RAB10: variants seen among roughly 807,000 people sequenced by gnomAD.
RAB10 encodes the protein RAB10, member RAS oncogene family.
RAB10 carries 5 observed loss-of-function variants against 25.7 expected under a neutral mutation model. The observed-to-expected ratio is 0.19, with a 90% CI of 0.10 to 0.41. The LOEUF is 0.41. Among genes scored for constraint, RAB10 ranks in the 10% least tolerant of loss-of-function variants. The probability of loss-of-function intolerance (pLI) is 1.00; values close to 1 mark genes in which losing one functional copy is unlikely to be tolerated. For synonymous variants in RAB10, 89 were observed against 86.4 expected, an observed-to-expected ratio of 1.03 and a Z score of -0.16; for missense variants, 103 against 245.8, an observed-to-expected ratio of 0.42 and a Z score of 3.89.
chr2:26,060,918 G>A (rs940960103), intron 1 of RAB10, among the ~76,000 whole-genome samples: 14 of 151,846 alleles, frequency 9.2e-5, no homozygotes, highest in African/African-American at 3.4e-4. Context: ...AAAAAACTTT[G>A]TTGAAAAATA....
chr2:26,051,851 T>C lies in RAB10; in HGVS notation c.127+17116T>C, dbSNP rs370392057. On this transcript the variant is annotated intron_variant, in intron 1 of 5. Transcript: ENST00000264710. ...GGCAGGCGGATCAGGAGGTCAGGAGTTCCAAGACCAGCCTGACCAACATGG... is the reference window on the plus strand; with the variant it reads ...GGCAGGCGGATCAGGAGGTCAGGAGCTCCAAGACCAGCCTGACCAACATGG... Among the ~76,000 whole-genome samples, 11 of 145,440 alleles carry C rather than the reference T, an allele frequency of 7.6e-5. No homozygotes were observed. In the East Asian group the frequency reaches 1.9e-3, roughly 25 times the overall value.
intron 5 of RAB10, among the ~76,000 whole-genome samples, chr2:26,133,758 C>T (rs1194073505): frequency 2.6e-5 from 4 of 152,018 alleles, no homozygotes; most frequent in Non-Finnish European, 2.9e-5. Flanking sequence ...ACTGCAACCT[C>T]TGCCTCCCGA....
chr2:26,128,313 C>CTCACGG (rs1020597727), intron 5 of RAB10, among the ~76,000 whole-genome samples: 3 of 152,204 alleles, frequency 2.0e-5, no homozygotes, highest in African/African-American at 7.2e-5. Flanking sequence ...GGTAATAATG[C>CTCACGG]TCACTCACTT....
intron 1 of RAB10, among the ~76,000 whole-genome samples, chr2:26,051,914 G>GA (rs1666143691): frequency 6.6e-6 from 1 of 151,350 alleles, no homozygotes; most frequent in African/African-American, 2.4e-5. Context: ...AAAATTAGCT[G>GA]GGCATGGTGG....
At chr2:26,051,754 CA>C (rs952237769) in intron 1 of RAB10, among the ~76,000 whole-genome samples, 101 of 113,372 alleles carry the variant, frequency 8.9e-4, no homozygotes, top group Middle Eastern at 0.014. Flanking sequence ...ACTCCGTCTC[CA>C]AAAAAAAAAA....
At chr2:26,130,112 T>G (rs913898599) in intron 5 of RAB10, among the ~76,000 whole-genome samples, 1 of 152,342 alleles carries the variant, frequency 6.6e-6, no homozygotes, top group African/African-American at 2.4e-5. Context: ...CAGTTTAGTT[T>G]TGAAATTTCA....
chr2:26,097,164 T>G (rs1667239012), intron 1 of RAB10, among the ~76,000 whole-genome samples: 1 of 152,130 alleles, frequency 6.6e-6, no homozygotes, highest in South Asian at 2.1e-4. Flanking sequence ...TACAGTGAGC[T>G]GAGATCATGC....
At chr2:26,035,386 C>A (rs1207499569) in intron 1 of RAB10, among the ~76,000 whole-genome samples, 1 of 152,128 alleles carries the variant, frequency 6.6e-6, no homozygotes, top group South Asian at 2.1e-4. Flanking sequence ...TCAAACCCAA[C>A]GGAGTGAAGT....
chr2:26,078,624 C>T (rs1236145554), intron 1 of RAB10, among the ~76,000 whole-genome samples: 3 of 151,816 alleles, frequency 2.0e-5, no homozygotes, highest in East Asian at 1.9e-4. Flanking sequence ...GGAGGGGTTG[C>T]GGAAAAAGTA....
At chr2:26,110,050 A>T in intron 3 of RAB10, 144 bp downstream of exon 3, 1 of 1,035,104 alleles carries the variant, frequency 9.7e-7, no homozygotes, top group Non-Finnish European at 1.3e-6. Context: ...CTAAAAGTTA[A>T]TGTTGGCCGG....
chr2:26,065,570 A>G lies in RAB10; in HGVS notation c.127+30835A>G, dbSNP rs1230610573. Among the ~76,000 whole-genome samples, 4 of 152,340 alleles carry G rather than the reference A, an allele frequency of 2.6e-5. No homozygotes were observed. In the East Asian group the frequency reaches 7.7e-4, roughly 29 times the overall value. Reference sequence around the variant, plus strand: ...TTTCCAACTGATTAGAAAATATTTAATGATTTTAAAAAACATTCAACCAAA... The same window carrying G: ...TTTCCAACTGATTAGAAAATATTTAGTGATTTTAAAAAACATTCAACCAAA... On this transcript the variant is annotated intron_variant, in intron 1 of 5. Coordinates refer to ENST00000264710, the MANE Select transcript of RAB10 (RefSeq NM_016131.5).
intron 2 of RAB10, among the ~76,000 whole-genome samples, chr2:26,102,628 C>T (rs966804013): frequency 2.2e-4 from 33 of 152,036 alleles, no homozygotes; most frequent in Admixed American, 1.2e-3. Context: ...TTAGTAGAGA[C>T]GGGGTTTCAC....
At chr2:26,103,071 TGA>T (rs1667378237) in intron 2 of RAB10, among the ~76,000 whole-genome samples, 1 of 152,200 alleles carries the variant, frequency 6.6e-6, no homozygotes, top group Non-Finnish European at 1.5e-5. Context: ...TGTTTATAAG[TGA>T]AAACAACAAC....
rs72487302 is a variant in RAB10, at chr2:26,054,038, C to CT, written c.127+19319dup. The stretch of plus-strand genomic sequence containing the variant: ...CTTTTTTTTTTTTTTCCCTTCTGTT[C>CT]TTTTTTTTTTTTTTTTCCTGTTTTT... On this transcript the variant is annotated intron_variant, in intron 1 of 5. Transcript: ENST00000264710. Among the ~76,000 whole-genome samples, 467 of 87,498 alleles carry CT rather than the reference C, an allele frequency of 5.3e-3. 4 individuals are homozygous for CT. The highest frequency in any genetic ancestry group is 0.013 in the African/African-American group (282 of 22,384). The allele number at this position is 87,498 out of a possible 152,430, so 57.4% of individuals were successfully genotyped here. A position where few individuals can be genotyped will look rare whatever the true frequency, so the allele number is the denominator to read the frequency against.
At chr2:26,035,401 C>G (rs1665744062) in intron 1 of RAB10, among the ~76,000 whole-genome samples, 1 of 152,196 alleles carries the variant, frequency 6.6e-6, no homozygotes, top group Non-Finnish European at 1.5e-5. Context: ...TGAAGTCAAG[C>G]TCTCTCTTCT....
At chr2:26,114,285 T>A (rs112272576) in intron 3 of RAB10, among the ~76,000 whole-genome samples, 10,591 of 152,128 alleles carry the variant, frequency 0.07, 429 homozygotes, top group Non-Finnish European at 0.099. Flanking sequence ...GTAGCCAAAA[T>A]AATCTTGAAA....
intron 1 of RAB10, among the ~76,000 whole-genome samples, chr2:26,064,518 A>AT (rs938956847): frequency 6.6e-6 from 1 of 151,194 alleles, no homozygotes; most frequent in Non-Finnish European, 1.5e-5. Flanking sequence ...TTTTTTTTTC[A>AT]TTTTTTGTAG....
At chr2:26,047,683 A>G (rs1310442392) in intron 1 of RAB10, among the ~76,000 whole-genome samples, 1 of 148,158 alleles carries the variant, frequency 6.7e-6, no homozygotes, top group Non-Finnish European at 1.5e-5. Flanking sequence ...CGGCCTCCCA[A>G]AGTGTTGGGA....
At chr2:26,102,641 T>C (rs1667367426) in intron 2 of RAB10, among the ~76,000 whole-genome samples, 1 of 152,140 alleles carries the variant, frequency 6.6e-6, no homozygotes, top group Non-Finnish European at 1.5e-5. Flanking sequence ...GGTTTCACCG[T>C]GTTAACCAGT....
Sources: allele counts gnomAD v4.1 joint callset (sites outside exome capture counted in the v4.1 genomes callset), GRCh38; gene constraint gnomAD v4.1.1; transcripts MANE v1.5; gene names NCBI Gene and HGNC (gene_info 2026-07-23, HGNC 2026-07-21).